Variants in DDB1 observed in about 807,000 individuals in gnomAD.
DDB1 encodes the protein DNA damage-binding protein 1.
A neutral mutation model predicts 133.1 loss-of-function variants in DDB1; 18 were observed. That is an observed-to-expected ratio of 0.14 (90% confidence interval 0.09 to 0.20). The LOEUF (loss-of-function observed/expected upper bound fraction) is 0.20. Ranked by LOEUF, DDB1 falls within the 10% of genes least tolerant of loss-of-function variation. DDB1 has a pLI of 1.00. For missense variants in DDB1, 828 were observed against 1,459.2 expected, an observed-to-expected ratio of 0.57 and a Z score of 7.05; for synonymous variants, 580 against 550.5, an observed-to-expected ratio of 1.05 and a Z score of -0.75.
At position 61,313,453 on chromosome 11, in the gene DDB1, C is replaced by T. The variant is rs751523668; in HGVS notation, c.2069+46G>A. On this transcript the variant is annotated intron_variant, in intron 16 of 26. Coordinates refer to ENST00000301764, the MANE Select transcript of DDB1 (RefSeq NM_001923.5). ...TAAGGGTTTGAGGAAAACATCATGACCCCCTCAATCAATAGCTCTCATTAA... is the reference window on the plus strand; with the variant it reads ...TAAGGGTTTGAGGAAAACATCATGATCCCCTCAATCAATAGCTCTCATTAA... 2.0e-6 allele frequency: 3 copies of T among 1,533,482 alleles called. No individual in the cohort carries two copies. The Admixed American group carries it at 5.2e-5, about 27-fold the overall frequency. The allele number at this position is 1,533,482 out of a possible 1,614,324, so 95.0% of individuals were successfully genotyped here. A position where few individuals can be genotyped will look rare whatever the true frequency, so the allele number is the denominator to read the frequency against.
At chr11:61,321,880 C>T (rs1856185673) in intron 9 of DDB1, 183 bp from the exon 10 acceptor site, 4 of 595,668 alleles carry the variant, frequency 6.7e-6, no homozygotes, top group Non-Finnish European at 1.2e-5. Flanking sequence ...GCAGACAGGA[C>T]ATCCTAGTCC....
At chr11:61,301,052 C>A in intron 25 of DDB1, 120 bp from the exon 26 acceptor site, 1 of 1,420,302 alleles carries the variant, frequency 7.0e-7, no homozygotes, top group Non-Finnish European at 9.5e-7. Flanking sequence ...ATGACACTTC[C>A]TTTCGCCTTG....
chr11:61,318,168 A>G (rs1357838863), intron 10 of DDB1, among the ~76,000 whole-genome samples: 3 of 152,250 alleles, frequency 2.0e-5, no homozygotes, highest in Non-Finnish European at 4.4e-5. Flanking sequence ...ATCAGAACAC[A>G]GTATTTAATT....
At chr11:61,302,181 T>A (rs561941161) in intron 25 of DDB1, 76 bp downstream of exon 25, 1 of 1,283,802 alleles carries the variant, frequency 7.8e-7, no homozygotes, top group Non-Finnish European at 1.1e-6. Context: ...TGTAGTAGCT[T>A]CCGGGTAATG....
intron 6 of DDB1, chr11:61,324,362 T>C: frequency 2.0e-6 from 1 of 496,512 alleles, no homozygotes; most frequent in South Asian, 2.4e-5. Flanking sequence ...CAATATATCT[T>C]ATATGTTTAC....
At chr11:61,330,146 C>T (rs1856342681) in intron 2 of DDB1, 72 bp from the exon 3 acceptor site, 3 of 1,258,688 alleles carry the variant, frequency 2.4e-6, no homozygotes, top group Admixed American at 2.2e-5. Context: ...TCTTTAAGCA[C>T]ACCAAATTCT....
At position 61,324,093 on chromosome 11, in the gene DDB1, T is replaced by G. The variant is rs1030596374; in HGVS notation, c.807A>C (p.Ser269=). The G allele has an allele frequency of 1.3e-5, 21 of 1,614,048 alleles. No individual in the cohort carries two copies. In the African/African-American group the frequency reaches 2.5e-4, roughly 19 times the overall value. Residue 269 remains serine, a synonymous_variant, in exon 7 of 27, where the codon TCA becomes TCC. Coordinates refer to ENST00000301764, the MANE Select transcript of DDB1 (RefSeq NM_001923.5). The stretch of plus-strand genomic sequence containing the variant: ...CTTCCATGTCTCCCAGCAGGTATCT[T>G]GAGCCATTAGGGTCCACTCGATTGT... ...VCHNRVDPNG[S]RYLLGDMEGR... is the part of the protein sequence containing the mutation.
At chr11:61,332,735 T>C in intron 1 of DDB1, 173 bp downstream of exon 1, 1 of 499,570 alleles carries the variant, frequency 2.0e-6, no homozygotes, top group Non-Finnish European at 3.3e-6. Flanking sequence ...AAAAAGCGCG[T>C]ACAGGGACGA....
Position 61,299,849 on chromosome 11 carries a change from C to T in DDB1, c.*287G>A, listed in dbSNP as rs1855763004. 4.1e-6 allele frequency: 2 copies of T among 492,168 alleles called. No homozygotes were observed. The highest frequency in any genetic ancestry group is 3.3e-5 in the Admixed American group (1 of 30,366). The allele number at this position is 492,168 out of a possible 1,614,324, so 30.5% of individuals were successfully genotyped here. A position where few individuals can be genotyped will look rare whatever the true frequency, so the allele number is the denominator to read the frequency against. On this transcript the variant is annotated 3_prime_UTR_variant, in exon 27 of 27. Transcript: ENST00000301764. ...TCAGCCAAAGAACTGCAAAATCCTT[C>T]CCCGGAAGGAGGACAACTGGCAACA...
Position 61,316,942 on chromosome 11 carries a change from GATAGAT to G in DDB1, c.1226-381_1226-376del, listed in dbSNP as rs1338028509. On this transcript the variant is annotated intron_variant, in intron 10 of 26. Coordinates refer to ENST00000301764, the MANE Select transcript of DDB1 (RefSeq NM_001923.5). ...CTCAAAAAAAAAAAAAAAAAAAAAG[GATAGAT>G]ATATATATATATATATATATATATA... Among the ~76,000 whole-genome samples the G allele has an allele frequency of 6.4e-3, 174 of 27,058 alleles. 16 individuals are homozygous for G. The highest frequency in any genetic ancestry group is 0.012 in the African/African-American group (129 of 10,410). The allele number at this position is 27,058 out of a possible 152,430, so 17.8% of individuals were successfully genotyped here. A position where few individuals can be genotyped will look rare whatever the true frequency, so the allele number is the denominator to read the frequency against.
chr11:61,300,004 G>A lies in DDB1; in HGVS notation c.*132C>T. On this transcript the variant is annotated 3_prime_UTR_variant, in exon 27 of 27. Transcript: ENST00000301764. ...AAGCCCGCCCCACTTCCACATAGGGGAACTGTGGCTCTGGGGGCAGCTGGC... is the reference window on the plus strand; with the variant it reads ...AAGCCCGCCCCACTTCCACATAGGGAAACTGTGGCTCTGGGGGCAGCTGGC... 1 of 800,482 alleles carries A rather than the reference G, an allele frequency of 1.2e-6. No individual in the cohort carries two copies. The highest frequency in any genetic ancestry group is 2.1e-6 in the Non-Finnish European group (1 of 475,594). The allele number at this position is 800,482 out of a possible 1,614,324, so 49.6% of individuals were successfully genotyped here. A position where few individuals can be genotyped will look rare whatever the true frequency, so the allele number is the denominator to read the frequency against.
chr11:61,314,775 G>T, intron 12 of DDB1: 1 of 245,048 alleles, frequency 4.1e-6, no homozygotes, highest in Non-Finnish European at 7.7e-6. Context: ...ACTGCATCCT[G>T]TGGGAAGATA....
chr11:61,317,954 T>G (rs1403264104), intron 10 of DDB1, among the ~76,000 whole-genome samples: 1 of 152,090 alleles, frequency 6.6e-6, no homozygotes, highest in Non-Finnish European at 1.5e-5. Flanking sequence ...TGCTCCAGTC[T>G]GGCCTCGATC....
chr11:61,309,778 G>A lies in DDB1; in HGVS notation c.2566+18C>T, dbSNP rs371631979. On this transcript the variant is annotated intron_variant, in intron 20 of 26. Coordinates refer to ENST00000301764, the MANE Select transcript of DDB1 (RefSeq NM_001923.5). ...AGCATTTCACATCCCTCAGAAACTG[G>A]AGACTGCGCCCACTTACCATCCGAA... 39 of 1,604,512 alleles carry A rather than the reference G, an allele frequency of 2.4e-5. No homozygotes were observed. The highest frequency in any genetic ancestry group is 3.3e-5 in the Non-Finnish European group (39 of 1,174,264).
rs1855918652 is a variant in DDB1, at chr11:61,309,039, C to T, written c.2605G>A (p.Ala869Thr). 2 of 1,614,034 alleles carry T rather than the reference C, an allele frequency of 1.2e-6. No individual in the cohort carries two copies. Among genetic ancestry groups the T allele is most frequent in the Non-Finnish European group, 1.7e-6 (2 of 1,180,034 alleles). Reference sequence around the variant, plus strand: ...TTAAATTCCACCATAGAGTACACGGCCCCTTTCACTTCCTTTTCAGCCACA... The same window carrying T: ...TTAAATTCCACCATAGAGTACACGGTCCCTTTCACTTCCTTTTCAGCCACA... ...QTVAEKEVKG[A>T]VYSMVEFNGK... Residue 869 changes from alanine (A) to threonine (T), a missense_variant, in exon 21 of 27, where the codon GCC becomes ACC. This residue lies in a region of DDB1 where 36 missense variants were observed against 139.9 expected (regional missense o/e 0.26). Transcript: ENST00000301764.
At chr11:61,301,045 A>T in intron 25 of DDB1, 113 bp from the exon 26 acceptor site, 3 of 1,445,218 alleles carry the variant, frequency 2.1e-6, no homozygotes, top group Non-Finnish European at 2.8e-6. Flanking sequence ...AAAGGAAATG[A>T]CACTTCCTTT....
chr11:61,311,951 C>T, intron 17 of DDB1, 38 bp downstream of exon 17: 1 of 1,613,996 alleles, frequency 6.2e-7, no homozygotes, highest in Non-Finnish European at 8.5e-7. Flanking sequence ...GCACCCTACA[C>T]CAACCCCCAC....
intron 4 of DDB1, among the ~76,000 whole-genome samples, chr11:61,327,709 G>T (rs1467092408): frequency 2.0e-5 from 3 of 152,178 alleles, no homozygotes; most frequent in African/African-American, 7.2e-5. Context: ...ACTCATGTCA[G>T]TCCTGGGACT....
chr11:61,322,569 A>G (rs988235515), intron 8 of DDB1, 157 bp from the exon 9 acceptor site: 2 of 640,668 alleles, frequency 3.1e-6, no homozygotes, highest in Non-Finnish European at 5.5e-6. Context: ...CTATTGACGA[A>G]AGAATATGGT....
Sources: allele counts gnomAD v4.1 joint callset (sites outside exome capture counted in the v4.1 genomes callset), GRCh38; gene constraint gnomAD v4.1.1; regional missense constraint gnomAD v4.1.1; transcripts MANE v1.5; gene names NCBI Gene and HGNC (gene_info 2026-07-23, HGNC 2026-07-21).